NRG1: variants seen among roughly 807,000 people sequenced by gnomAD.
NRG1 encodes neuregulin 1.
Under a neutral mutation model 63.8 loss-of-function variants are expected in NRG1, and 18 were observed. That is an observed-to-expected ratio of 0.28 (90% confidence interval 0.19 to 0.42). NRG1 has a LOEUF of 0.42. Among genes scored for constraint, NRG1 ranks in the 10% least tolerant of loss-of-function variants. The probability of loss-of-function intolerance (pLI) is 1.00; values close to 1 mark genes in which losing one functional copy is unlikely to be tolerated. For synonymous variants in NRG1, 302 were observed against 301.3 expected (o/e 1.00, Z -0.02); for missense variants, 762 against 814.7 (o/e 0.94, Z 0.79).
intron 1 of NRG1, among the ~76,000 whole-genome samples, chr8:32,507,323 T>C (rs920148595): frequency 6.6e-5 from 10 of 152,212 alleles, no homozygotes; most frequent in Non-Finnish European, 1.5e-4. Context: ...TGTTTTGAAG[T>C]AGCAGAATAT....
intron 1 of NRG1, among the ~76,000 whole-genome samples, chr8:32,219,453 ACT>A (rs1233037794): frequency 6.6e-6 from 1 of 152,166 alleles, no homozygotes; most frequent in Non-Finnish European, 1.5e-5. Context: ...TACTAAAATC[ACT>A]GTCATTTCTA....
chr8:31,640,788 G>C lies in NRG1; in HGVS notation c.37+1357G>C. 1.4e-6 allele frequency: 2 copies of C among 1,439,282 alleles called. No homozygotes were observed. Among genetic ancestry groups the C allele is most frequent in the Non-Finnish European group, 1.8e-6 (2 of 1,096,428 alleles). The allele number at this position is 1,439,282 out of a possible 1,614,324, so 89.2% of individuals were successfully genotyped here. Reference sequence around the variant, plus strand: ...GGCGAGGAGGGCGCATCCCGGGCGCGCGGGCAGCGGGGCTCGACGGCCGCC... The same window carrying C: ...GGCGAGGAGGGCGCATCCCGGGCGCCCGGGCAGCGGGGCTCGACGGCCGCC... On this transcript the variant is annotated intron_variant, in intron 1 of 10. Coordinates refer to the NRG1 transcript ENST00000519301. This position sits in a 1 kb window ranked among gnomAD's most constrained non-coding sequence, Gnocchi z 6.3.
At chr8:32,411,430 G>A (rs946017355) in intron 1 of NRG1, among the ~76,000 whole-genome samples, 3 of 152,222 alleles carry the variant, frequency 2.0e-5, no homozygotes, top group African/African-American at 4.8e-5. Context: ...ACCATTAGGA[G>A]TGTCTACAGT....
chr8:32,204,144 G>A (rs561935287), intron 1 of NRG1, among the ~76,000 whole-genome samples: 135 of 152,280 alleles, frequency 8.9e-4, no homozygotes, highest in African/African-American at 3.1e-3. Flanking sequence ...CAGTAGTTTG[G>A]TATGGCTACA....
chr8:31,975,098 T>C (rs1255357632), intron 1 of NRG1, among the ~76,000 whole-genome samples: 1 of 152,186 alleles, frequency 6.6e-6, no homozygotes, highest in Non-Finnish European at 1.5e-5. Context: ...ATAATTATAA[T>C]AGTGTAGAAT....
At chr8:32,160,254 G>A (rs4733302) in intron 1 of NRG1, among the ~76,000 whole-genome samples, 14 of 152,244 alleles carry the variant, frequency 9.2e-5, no homozygotes, top group African/African-American at 2.4e-5. Flanking sequence ...AAAATACAAA[G>A]AGCATATTTG....
intron 1 of NRG1, among the ~76,000 whole-genome samples, chr8:31,917,445 C>T (rs1833497006): frequency 6.6e-6 from 1 of 150,410 alleles, no homozygotes; most frequent in African/African-American, 2.5e-5. Flanking sequence ...TTTCCCAGCA[C>T]CATTTATTAA....
intron 5 of NRG1, chr8:32,648,375 C>T: frequency 6.2e-7 from 1 of 1,613,750 alleles, no homozygotes; most frequent in Non-Finnish European, 8.5e-7. Flanking sequence ...CCAAACTGCT[C>T]CTAAACTTTG....
chr8:32,499,100 A>G (rs1827559497), intron 1 of NRG1, among the ~76,000 whole-genome samples: 1 of 152,202 alleles, frequency 6.6e-6, no homozygotes, highest in African/African-American at 2.4e-5. Flanking sequence ...GAGAATAAAT[A>G]AGCAGAAAAG....
intron 1 of NRG1, among the ~76,000 whole-genome samples, chr8:32,336,544 A>G (rs551809107): frequency 2.6e-5 from 4 of 152,336 alleles, no homozygotes; most frequent in Non-Finnish European, 4.4e-5. Context: ...ATGAAAAAGA[A>G]CAAAGAGACC....
intron 1 of NRG1, among the ~76,000 whole-genome samples, chr8:31,932,201 C>T (rs977104961): frequency 1.1e-4 from 16 of 151,836 alleles, no homozygotes; most frequent in African/African-American, 3.6e-4. Flanking sequence ...TTATAGGTTC[C>T]AGGACTTTGG....
At chr8:32,609,590 C>G (rs1485185370) in intron 3 of NRG1, among the ~76,000 whole-genome samples, 1 of 134,566 alleles carries the variant, frequency 7.4e-6, no homozygotes, top group Non-Finnish European at 1.6e-5. Flanking sequence ...TTCCTTCCTT[C>G]CTTCCTTCCT....
intron 1 of NRG1, among the ~76,000 whole-genome samples, chr8:31,695,016 A>C (rs1209707640): frequency 6.6e-6 from 1 of 152,192 alleles, no homozygotes; most frequent in African/African-American, 2.4e-5. Flanking sequence ...AAAGAGGTTT[A>C]ATTGACTCAC....
intron 1 of NRG1, among the ~76,000 whole-genome samples, chr8:31,703,324 G>A (rs1476918585): frequency 2.6e-5 from 4 of 151,752 alleles, no homozygotes; most frequent in African/African-American, 7.3e-5. Flanking sequence ...AGGAGCAGAT[G>A]TTTATTCCTA....
chr8:31,930,856 C>G (rs535137339), intron 1 of NRG1, among the ~76,000 whole-genome samples: 2 of 152,220 alleles, frequency 1.3e-5, no homozygotes, highest in South Asian at 2.1e-4. Flanking sequence ...AGCAATTGCT[C>G]TTTTCCAAAT....
intron 1 of NRG1, among the ~76,000 whole-genome samples, chr8:32,435,696 AT>A (rs1818707187): frequency 6.6e-6 from 1 of 152,126 alleles, no homozygotes; most frequent in South Asian, 2.1e-4. Flanking sequence ...ACCAGGCAAT[AT>A]TTTTTAGCAT....
At chr8:32,445,601 AAAC>A (rs1477181748) in intron 1 of NRG1, among the ~76,000 whole-genome samples, 5 of 152,340 alleles carry the variant, frequency 3.3e-5, no homozygotes, top group South Asian at 4.1e-4. Flanking sequence ...CCAAAAAAAC[AAAC>A]AACAATGATA....
chr8:32,494,783 C>T (rs1281366809), intron 1 of NRG1, among the ~76,000 whole-genome samples: 1 of 152,166 alleles, frequency 6.6e-6, no homozygotes, highest in Non-Finnish European at 1.5e-5. Context: ...AATGAATCAT[C>T]CTTCAGTTCC....
chr8:31,991,701 C>T (rs1402041642), intron 1 of NRG1, among the ~76,000 whole-genome samples: 1 of 151,940 alleles, frequency 6.6e-6, no homozygotes, highest in East Asian at 1.9e-4. Flanking sequence ...AAGTTTTCTC[C>T]CTTGCCTGTG....
Sources: gnomAD v4.1 joint callset for allele counts (sites outside exome capture counted in the v4.1 genomes callset) on GRCh38, gnomAD v4.1.1 for gene constraint, Gnocchi (gnomAD v3.1) non-coding constraint, MANE v1.5 for transcripts, NCBI Gene and HGNC (gene_info 2026-07-23, HGNC 2026-07-21) for gene names.